The following GSTO2 variants were observed in gnomAD, a reference collection of about 807,000 sequenced individuals.
The protein encoded by GSTO2 is glutathione S-transferase omega-2.
Under a neutral mutation model 28.4 loss-of-function variants are expected in GSTO2, and 23 were observed. That is an observed-to-expected ratio of 0.81 (90% CI 0.58 to 1.15). The LOEUF (loss-of-function observed/expected upper bound fraction) is 1.15. Among genes scored for constraint, GSTO2 ranks in the 50% most tolerant of loss-of-function variants. The pLI, the probability that GSTO2 is intolerant of heterozygous loss-of-function variation, is 0.00. For missense variants in GSTO2, 298 were observed against 297.8 expected (o/e 1.00, Z 0.00); for synonymous variants, 109 against 111.0 (o/e 0.98, Z 0.11).
intron 4 of GSTO2, among the ~76,000 whole-genome samples, chr10:104,278,868 A>G (rs1347038215): frequency 6.6e-6 from 1 of 152,206 alleles, no homozygotes; most frequent in Admixed American, 6.5e-5. Context: ...AATGAAAGAA[A>G]AAAGAATGGA....
At chr10:104,269,497 C>T (rs1406699659) in intron 1 of GSTO2, among the ~76,000 whole-genome samples, 1 of 152,206 alleles carries the variant, frequency 6.6e-6, no homozygotes, top group Non-Finnish European at 1.5e-5. Context: ...AAACCGCATA[C>T]CTTTAATTAA....
At position 104,297,760 on chromosome 10, in the gene GSTO2, C is replaced by T. The variant is rs1023520015; in HGVS notation, c.575+76C>T. The T allele has an allele frequency of 5.3e-6, 5 of 944,756 alleles. No homozygotes were observed. In the African/African-American group the frequency reaches 6.5e-5, roughly 12 times the overall value. 58.5% of individuals were successfully genotyped at this position (944,756 alleles called of 1,614,324 possible). On this transcript the variant is annotated intron_variant, in intron 6 of 6. Coordinates refer to ENST00000338595, the MANE Select transcript of GSTO2 (RefSeq NM_183239.2). ...CAATGGTTAAGATGGTCTGCATGCC[C>T]CCTGTAGACATGTTTCAGGATGTCT...
intron 5 of GSTO2, among the ~76,000 whole-genome samples, chr10:104,287,103 GA>G (rs1234493286): frequency 8.5e-5 from 13 of 152,198 alleles, no homozygotes; most frequent in Non-Finnish European, 1.2e-4. Context: ...GCCCAGGCTG[GA>G]ATGCAGGGTG....
rs750686852 is a variant in GSTO2 at position 104,274,966 on chromosome 10, G to T, written c.34+17G>T. The T allele has an allele frequency of 6.3e-7, 1 of 1,575,202 alleles. No homozygotes were observed. The highest frequency in any genetic ancestry group is 1.2e-5 in the South Asian group (1 of 85,532). On this transcript the variant is annotated intron_variant, in intron 2 of 6. Coordinates refer to ENST00000338595, the MANE Select transcript of GSTO2 (RefSeq NM_183239.2). ...TGGGGAAAGGTGAGTGCTCTCCATG[G>T]GGTCCGCGAGCTGGGGGCGCCGCGT... is the stretch of plus-strand genomic sequence containing the variant.
intron 5 of GSTO2, among the ~76,000 whole-genome samples, chr10:104,280,283 T>G (rs953473366): frequency 5.3e-5 from 8 of 152,020 alleles, no homozygotes; most frequent in Admixed American, 2.6e-4. Flanking sequence ...TCTGTCATCC[T>G]TAGCACAACT....
intron 5 of GSTO2, among the ~76,000 whole-genome samples, chr10:104,282,375 A>G (rs1468377724): frequency 1.3e-5 from 2 of 152,116 alleles, no homozygotes; most frequent in South Asian, 2.1e-4. Context: ...CAACATGGCA[A>G]ACCTCCATCT....
Position 104,287,464 on chromosome 10 carries a change from T to C in GSTO2, c.468+7993T>C, listed in dbSNP as rs533337261. Among the ~76,000 whole-genome samples the C allele has an allele frequency of 7.5e-4, 114 of 152,324 alleles. 1 individual carries two copies. The highest frequency in any genetic ancestry group is 1.3e-3 in the Non-Finnish European group (88 of 68,034). ...TTAGGAAACAATATTCATTAGATGG[T>C]GAGTGGTTAAGTAAATCATGTCTGT... On this transcript the variant is annotated intron_variant, in intron 5 of 6. Coordinates refer to ENST00000338595, the MANE Select transcript of GSTO2 (RefSeq NM_183239.2).
At position 104,304,703 on chromosome 10, in the gene GSTO2, T is replaced by A. The variant is rs2013350119; in HGVS notation, c.*5419T>A. 6.6e-6 allele frequency: 1 copy of A among 152,168 alleles called. No individual in the cohort carries two copies. Among genetic ancestry groups the A allele is most frequent in the African/African-American group, 2.4e-5 (1 of 41,442 alleles). 9.4% of individuals were successfully genotyped at this position (152,168 alleles called of 1,614,324 possible). Reference sequence around the variant, plus strand: ...TGATCAGACTTGAACCCTGTGCTCATCCCCCCATCACTTTGTGGAACTAGA... The same window carrying A: ...TGATCAGACTTGAACCCTGTGCTCAACCCCCCATCACTTTGTGGAACTAGA... On this transcript the variant is annotated 3_prime_UTR_variant, in exon 7 of 7. Transcript: ENST00000338595.
At chr10:104,276,058 G>A (rs1026182339) in intron 3 of GSTO2, among the ~76,000 whole-genome samples, 2 of 152,174 alleles carry the variant, frequency 1.3e-5, no homozygotes, top group Non-Finnish European at 2.9e-5. Flanking sequence ...GATGTGGACT[G>A]CATAATGCAG....
At chr10:104,282,470 C>G (rs1249870556) in intron 5 of GSTO2, among the ~76,000 whole-genome samples, 1 of 151,222 alleles carries the variant, frequency 6.6e-6, no homozygotes, top group Admixed American at 6.6e-5. Flanking sequence ...GAGAGGATCA[C>G]TGGAGCCTAG....
At chr10:104,291,362 G>C (rs1270858044) in intron 5 of GSTO2, 1 of 152,246 alleles carries the variant, frequency 6.6e-6, no homozygotes, top group Non-Finnish European at 1.5e-5. Flanking sequence ...GCCTCTTCAA[G>C]GTTTGAAGCT....
At chr10:104,279,228 G>T (rs1410505967) in intron 4 of GSTO2, 142 bp from the exon 5 acceptor site, 6 of 613,220 alleles carry the variant, frequency 9.8e-6, no homozygotes, top group Non-Finnish European at 1.7e-5. Flanking sequence ...AAAACCTAGT[G>T]CCTCTCACAG....
At chr10:104,294,398 T>G (rs1047195278) in intron 5 of GSTO2, among the ~76,000 whole-genome samples, 1 of 152,178 alleles carries the variant, frequency 6.6e-6, no homozygotes, top group Non-Finnish European at 1.5e-5. Flanking sequence ...AAGGGAACTC[T>G]CCTATCGAGA....
At chr10:104,273,995 A>G (rs2011518695) in intron 1 of GSTO2, among the ~76,000 whole-genome samples, 1 of 152,156 alleles carries the variant, frequency 6.6e-6, no homozygotes, top group African/African-American at 2.4e-5. Flanking sequence ...TTAAGGAATT[A>G]TTTTTTTACC....
rs2013253671 is a variant in GSTO2 at position 104,301,417 on chromosome 10, A to G, written c.*2133A>G. ...GGATTTGAGTGCCTCTTGGCCAGGC[A>G]TGCTCCCTGCTGTTTACCAGGGTCC... On this transcript the variant is annotated 3_prime_UTR_variant, in exon 7 of 7. Coordinates refer to ENST00000338595, the MANE Select transcript of GSTO2 (RefSeq NM_183239.2). 6.6e-6 allele frequency: 1 copy of G among 152,204 alleles called. No homozygotes were observed. Among genetic ancestry groups the G allele is most frequent in the Non-Finnish European group, 1.5e-5 (1 of 68,044 alleles). The allele number at this position is 152,204 out of a possible 1,614,324, so 9.4% of individuals were successfully genotyped here.
intron 3 of GSTO2, 120 bp downstream of exon 3, chr10:104,275,454 G>A (rs919015544): frequency 3.6e-6 from 3 of 822,482 alleles, no homozygotes; most frequent in Non-Finnish European, 3.8e-6. Flanking sequence ...CCTTTTTTCG[G>A]AGGCAAAGTC....
intron 3 of GSTO2, among the ~76,000 whole-genome samples, chr10:104,277,398 C>T (rs192682286): frequency 1.5e-3 from 225 of 152,178 alleles, no homozygotes; most frequent in African/African-American, 5.2e-3. Context: ...ATTCTCCTGC[C>T]TCAGTCTCCC....
rs78361241 is a variant in GSTO2, at chr10:104,269,813, T to G, written c.-232+544T>G. ...AATGAAACCTTCGCAAACCACATAA[T>G]GTACTGGTACTATTAGCTACGAATT... On this transcript the variant is annotated intron_variant, in intron 1 of 6. Transcript: ENST00000338595. Among the ~76,000 whole-genome samples the G allele has an allele frequency of 6.3e-3, 966 of 152,338 alleles. 14 individuals carry two copies. Among genetic ancestry groups the G allele is most frequent in the African/African-American group, 0.022 (903 of 41,564 alleles).
In GSTO2 at chr10:104,299,238, T is replaced by G. The variant is rs1213159698; in HGVS notation, c.686T>G (p.Leu229Arg). ...AGCATTTTCCAGGGCTTCTTGAATC[T>G]CTATTTTCAGAACAACCCTAATGCC... ...DKSIFQGFLN[L>R]YFQNNPNAFD... The change falls in exon 7 of 7, where the codon CTC becomes CGC. Residue 229 changes from leucine to arginine, a missense_variant. Leu to Arg is a moderately radical substitution (Grantham distance 102, BLOSUM62 -2). Coordinates refer to ENST00000338595, the MANE Select transcript of GSTO2 (RefSeq NM_183239.2). 1.2e-6 allele frequency: 2 copies of G among 1,614,086 alleles called. No individual in the cohort carries two copies. Among genetic ancestry groups the G allele is most frequent in the South Asian group, 1.1e-5 (1 of 91,082 alleles).
Sources: gnomAD v4.1 joint callset for allele counts (sites outside exome capture counted in the v4.1 genomes callset) on GRCh38, gnomAD v4.1.1 for gene constraint, MANE v1.5 for transcripts, NCBI Gene and HGNC (gene_info 2026-07-23, HGNC 2026-07-21) for gene names.